PTPRM: variants seen among roughly 807,000 people sequenced by gnomAD.
The protein encoded by PTPRM is protein tyrosine phosphatase receptor type M, also known as receptor-type tyrosine-protein phosphatase mu.
A neutral mutation model predicts 186.7 loss-of-function variants in PTPRM; 47 were observed. The observed-to-expected ratio is 0.25, with a 90% CI of 0.20 to 0.32. The LOEUF (loss-of-function observed/expected upper bound fraction) is 0.32. PTPRM is among the 10% of genes least tolerant of loss of function. The pLI, the probability that PTPRM is intolerant of heterozygous loss-of-function variation, is 1.00. For synonymous variants in PTPRM, 668 were observed against 674.9 expected (o/e 0.99, Z 0.16); for missense variants, 1,494 against 1,865.0 (o/e 0.80, Z 3.66).
intron 19 of PTPRM, among the ~76,000 whole-genome samples, chr18:8,266,697 G>C (rs1023336770): frequency 1.3e-5 from 2 of 152,196 alleles, no homozygotes; most frequent in Non-Finnish European, 2.9e-5. Flanking sequence ...ATCACAAGGT[G>C]AGGAGTTTGA....
At chr18:8,146,501 G>T (rs1288020203) in intron 14 of PTPRM, among the ~76,000 whole-genome samples, 8 of 149,270 alleles carry the variant, frequency 5.4e-5, no homozygotes, top group South Asian at 2.1e-4. Flanking sequence ...TAATGGGATT[G>T]TTTTTTTTTT....
intron 14 of PTPRM, among the ~76,000 whole-genome samples, chr18:8,230,018 T>A (rs1267844048): frequency 6.6e-6 from 1 of 152,200 alleles, no homozygotes; most frequent in Non-Finnish European, 1.5e-5. Context: ...AAGCGATATG[T>A]GAATAAAACC....
intron 1 of PTPRM, among the ~76,000 whole-genome samples, chr18:7,573,420 C>T (rs761814176): frequency 3.3e-5 from 5 of 152,186 alleles, no homozygotes; most frequent in Non-Finnish European, 5.9e-5. Context: ...CTGCTGTCCA[C>T]GGGGAGCATC....
intron 4 of PTPRM, among the ~76,000 whole-genome samples, chr18:7,915,442 G>A (rs973202970): frequency 5.9e-5 from 9 of 151,920 alleles, no homozygotes; most frequent in African/African-American, 2.2e-4. Context: ...AAAGTAGTAT[G>A]GCAAGATTCA....
intron 14 of PTPRM, among the ~76,000 whole-genome samples, chr18:8,206,248 T>TTTTTATTTTGTTTTA (rs2093926867): frequency 2.7e-5 from 4 of 147,816 alleles, no homozygotes; most frequent in Non-Finnish European, 4.4e-5. Context: ...CAAGGCTGAA[T>TTTTTATTTTGTTTTA]TTTTATTTTA....
intron 7 of PTPRM, among the ~76,000 whole-genome samples, chr18:8,011,842 T>A (rs911572766): frequency 6.6e-6 from 1 of 152,214 alleles, no homozygotes; most frequent in African/African-American, 2.4e-5. Context: ...TTAGAAGGGA[T>A]CCCTCCTTCA....
At chr18:7,915,410 G>T (rs1385969810) in intron 4 of PTPRM, among the ~76,000 whole-genome samples, 4 of 151,968 alleles carry the variant, frequency 2.6e-5, no homozygotes, top group Non-Finnish European at 5.9e-5. Context: ...TCTAAAGGTG[G>T]TATACACCTG....
At chr18:7,905,734 A>G (rs73379941) in intron 3 of PTPRM, among the ~76,000 whole-genome samples, 8,886 of 152,212 alleles carry the variant, frequency 0.058, 418 homozygotes, top group East Asian at 0.18. Context: ...ATTGGCACAG[A>G]TTTCACCTCC....
At chr18:8,011,680 G>A (rs1213967397) in intron 7 of PTPRM, among the ~76,000 whole-genome samples, 1 of 152,130 alleles carries the variant, frequency 6.6e-6, no homozygotes, top group African/African-American at 2.4e-5. Flanking sequence ...TTTCACCCTT[G>A]CAGCTATTAG....
intron 13 of PTPRM, among the ~76,000 whole-genome samples, chr18:8,132,660 T>C (rs992382645): frequency 6.6e-6 from 1 of 152,158 alleles, no homozygotes; most frequent in Non-Finnish European, 1.5e-5. Context: ...ACAAATTACC[T>C]ATATCTATTT....
chr18:7,642,997 T>C (rs1226574838), intron 1 of PTPRM, among the ~76,000 whole-genome samples: 1 of 152,024 alleles, frequency 6.6e-6, no homozygotes, highest in Admixed American at 6.5e-5. Context: ...ATAAAACTTA[T>C]TTCTTCACAA....
intron 1 of PTPRM, among the ~76,000 whole-genome samples, chr18:7,633,172 G>A (rs776193945): frequency 2.0e-5 from 3 of 152,184 alleles, no homozygotes; most frequent in Non-Finnish European, 4.4e-5. Context: ...CTTTGGAGGT[G>A]TGTAAGTCGG....
chr18:7,802,936 T>C (rs2044048554), intron 2 of PTPRM, among the ~76,000 whole-genome samples: 1 of 152,146 alleles, frequency 6.6e-6, no homozygotes, highest in Non-Finnish European at 1.5e-5. Context: ...TAATGGCAGT[T>C]AGAATTATGG....
chr18:8,190,814 AT>A (rs1272089120), intron 14 of PTPRM, among the ~76,000 whole-genome samples: 1 of 152,230 alleles, frequency 6.6e-6, no homozygotes, highest in Non-Finnish European at 1.5e-5. Flanking sequence ...ATGTGGGGAA[AT>A]ACAAAAAACA....
At chr18:7,869,857 G>A (rs1238037221) in intron 2 of PTPRM, among the ~76,000 whole-genome samples, 1 of 152,170 alleles carries the variant, frequency 6.6e-6, no homozygotes, top group Non-Finnish European at 1.5e-5. Flanking sequence ...ACCACATGAT[G>A]TTGCTCTTCT....
chr18:8,386,237 G>A (rs1238476792), intron 30 of PTPRM, among the ~76,000 whole-genome samples: 1 of 152,132 alleles, frequency 6.6e-6, no homozygotes, highest in African/African-American at 2.4e-5. Context: ...AGATATATGA[G>A]TTTATGACTT....
chr18:8,404,718 T>A (rs929113290), intron 32 of PTPRM: 1 of 152,242 alleles, frequency 6.6e-6, no homozygotes, highest in African/African-American at 2.4e-5. Flanking sequence ...TGAACCTCGC[T>A]CACACATGTG....
Position 8,097,182 on chromosome 18 carries a change from C to G in PTPRM, c.1856+8331C>G, listed in dbSNP as rs537855579. Among the ~76,000 whole-genome samples the G allele has an allele frequency of 2.3e-4, 35 of 152,284 alleles. No homozygotes were observed. The South Asian group carries it at 7.3e-3, about 32-fold the overall frequency. On this transcript the variant is annotated intron_variant, in intron 11 of 32. Coordinates refer to ENST00000580170, the MANE Select transcript of PTPRM (RefSeq NM_001105244.2). ...AATATGCCTTCTATTTCCTTAATAA[C>G]TATTTTTTAAGTATATTATATTATG...
chr18:7,653,510 C>A (rs1250181402), intron 1 of PTPRM, among the ~76,000 whole-genome samples: 1 of 152,052 alleles, frequency 6.6e-6, no homozygotes, highest in South Asian at 2.1e-4. Flanking sequence ...TGTGTTGTTC[C>A]CCTCTTTGTG....
Sources: allele counts gnomAD v4.1 joint callset (sites outside exome capture counted in the v4.1 genomes callset), GRCh38; gene constraint gnomAD v4.1.1; transcripts MANE v1.5; gene names NCBI Gene and HGNC (gene_info 2026-07-23, HGNC 2026-07-21).